The following CLSTN2 variants were observed in gnomAD, a reference collection of about 807,000 sequenced individuals.
The protein encoded by CLSTN2 is calsyntenin 2, also known as calsyntenin-2.
CLSTN2 carries 48 observed loss-of-function variants against 101.2 expected under a neutral mutation model. The observed-to-expected ratio is 0.47, with a 90% CI of 0.38 to 0.60. The LOEUF (loss-of-function observed/expected upper bound fraction) is 0.60, where lower values mean the gene tolerates loss of function less well. Ranked by LOEUF, CLSTN2 falls within the 20% of genes least tolerant of loss-of-function variation. The pLI, the probability that CLSTN2 is intolerant of heterozygous loss-of-function variation, is 0.00. For synonymous variants in CLSTN2, 481 were observed against 463.6 expected, an observed-to-expected ratio of 1.04 and a Z score of -0.48; for missense variants, 1,160 against 1,238.2, an observed-to-expected ratio of 0.94 and a Z score of 0.95.
chr3:139,988,994 C>T (rs532798930), intron 1 of CLSTN2, among the ~76,000 whole-genome samples: 5 of 152,206 alleles, frequency 3.3e-5, no homozygotes, highest in Non-Finnish European at 5.9e-5. Flanking sequence ...ACTCCCTCCT[C>T]AGCAAGGGCA....
intron 2 of CLSTN2, among the ~76,000 whole-genome samples, chr3:140,343,244 C>T (rs557953203): frequency 6.6e-6 from 1 of 152,118 alleles, no homozygotes; most frequent in Non-Finnish European, 1.5e-5. Context: ...ACGAAAACTA[C>T]CCCCTAGCTC....
chr3:140,239,932 T>C lies in CLSTN2; in HGVS notation c.232+63859T>C, dbSNP rs2086445591. The stretch of plus-strand genomic sequence containing the variant: ...AAACACTCATATTTATGTATATATA[T>C]GTGTATATATATATAACTAAAATAG... On this transcript the variant is annotated intron_variant, in intron 2 of 16. Coordinates refer to ENST00000458420, the MANE Select transcript of CLSTN2 (RefSeq NM_022131.3). 4.5e-4 allele frequency among the ~76,000 whole-genome samples: 4 copies of C among 8,850 alleles called. No homozygotes were observed. In the Admixed American group the frequency reaches 9.6e-3, roughly 21 times the overall value. The allele number at this position is 8,850 out of a possible 152,430, so 5.8% of individuals were successfully genotyped here.
intron 8 of CLSTN2, among the ~76,000 whole-genome samples, chr3:140,524,242 T>A (rs1935091042): frequency 6.6e-6 from 1 of 151,888 alleles, no homozygotes; most frequent in Admixed American, 6.6e-5. Flanking sequence ...GTGTTTGAAG[T>A]ACCTGTAGAA....
chr3:140,017,790 G>A (rs999565823), intron 1 of CLSTN2, among the ~76,000 whole-genome samples: 1 of 152,212 alleles, frequency 6.6e-6, no homozygotes, highest in African/African-American at 2.4e-5. Flanking sequence ...AGCAAAAGCT[G>A]GCCACAGGCC....
At chr3:140,073,633 C>T (rs540689416) in intron 1 of CLSTN2, among the ~76,000 whole-genome samples, 7 of 152,300 alleles carry the variant, frequency 4.6e-5, no homozygotes, top group East Asian at 3.9e-4. Flanking sequence ...AGAGCACTGG[C>T]GAGGGTGGGG....
intron 9 of CLSTN2, among the ~76,000 whole-genome samples, chr3:140,535,592 G>A (rs1247608027): frequency 6.6e-6 from 1 of 152,228 alleles, no homozygotes; most frequent in African/African-American, 2.4e-5. Context: ...GTGTGGTCAT[G>A]GGACTTGCTT....
chr3:140,367,924 T>C (rs11719055), intron 2 of CLSTN2, among the ~76,000 whole-genome samples: 63,480 of 151,984 alleles, frequency 0.42, 14,065 homozygotes, highest in Non-Finnish European at 0.5. Flanking sequence ...CAGTTGTCAC[T>C]GTAGCTGTCC....
Position 139,968,950 on chromosome 3 carries a change from T to C in CLSTN2, c.109+33467T>C, listed in dbSNP as rs1935649001. ...AGACATCATTATTAACACTTTTTTC[T>C]CATATAGTAGTGCAGCCTTCAAGTT... On this transcript the variant is annotated intron_variant, in intron 1 of 16. Coordinates refer to ENST00000458420, the MANE Select transcript of CLSTN2 (RefSeq NM_022131.3). Among the ~76,000 whole-genome samples, 13 of 152,214 alleles carry C rather than the reference T, an allele frequency of 8.5e-5. No homozygotes were observed. In the South Asian group the frequency reaches 2.7e-3, roughly 32 times the overall value.
intron 10 of CLSTN2, among the ~76,000 whole-genome samples, chr3:140,551,196 C>T (rs1935692831): frequency 6.6e-6 from 1 of 151,412 alleles, no homozygotes; most frequent in Non-Finnish European, 1.5e-5. Flanking sequence ...CATGTCATTT[C>T]TGAATAATGA....
chr3:140,530,882 G>C (rs145383898), intron 8 of CLSTN2, among the ~76,000 whole-genome samples: 2 of 152,212 alleles, frequency 1.3e-5, no homozygotes, highest in Non-Finnish European at 2.9e-5. Flanking sequence ...ATATCCTCAG[G>C]ATGTGAACCG....
intron 1 of CLSTN2, among the ~76,000 whole-genome samples, chr3:140,031,022 T>A (rs1321546673): frequency 6.6e-6 from 1 of 152,228 alleles, no homozygotes; most frequent in African/African-American, 2.4e-5. Context: ...TCTTCTTGCT[T>A]TTATTCCTCT....
intron 7 of CLSTN2, among the ~76,000 whole-genome samples, chr3:140,466,124 G>C (rs1371507027): frequency 6.6e-6 from 1 of 152,162 alleles, no homozygotes; most frequent in African/African-American, 2.4e-5. Flanking sequence ...GCTTCATATA[G>C]ATTAGGTAGA....
chr3:140,241,307 C>CTCTTACCCAA (rs1441139558), intron 2 of CLSTN2, among the ~76,000 whole-genome samples: 4 of 152,104 alleles, frequency 2.6e-5, no homozygotes, highest in Non-Finnish European at 1.5e-5. Flanking sequence ...GTCCAATATT[C>CTCTTACCCAA]TAAGGGTAAG....
At position 139,968,469 on chromosome 3, in the gene CLSTN2, C is replaced by T. The variant is rs1040024232; in HGVS notation, c.109+32986C>T. Among the ~76,000 whole-genome samples, 5 of 152,178 alleles carry T rather than the reference C, an allele frequency of 3.3e-5. No homozygotes were observed. The South Asian group carries it at 6.2e-4, about 19-fold the overall frequency. ...AAAAGGGCTTGTGGGAGTAGATTTA[C>T]TCTCTTCTACTCTTTTGTCATGTGA... On this transcript the variant is annotated intron_variant, in intron 1 of 16. Coordinates refer to ENST00000458420, the MANE Select transcript of CLSTN2 (RefSeq NM_022131.3).
intron 1 of CLSTN2, among the ~76,000 whole-genome samples, chr3:140,175,251 G>C (rs933334978): frequency 6.6e-6 from 1 of 151,880 alleles, no homozygotes; most frequent in Non-Finnish European, 1.5e-5. Flanking sequence ...AAATATATTT[G>C]ATATGTGTTT....
At chr3:140,450,711 C>T (rs184157985) in intron 6 of CLSTN2, among the ~76,000 whole-genome samples, 7 of 152,144 alleles carry the variant, frequency 4.6e-5, no homozygotes, top group Non-Finnish European at 1.0e-4. Flanking sequence ...TTCACACATA[C>T]GTACACACAA....
chr3:140,485,921 C>T (rs1352227571), intron 8 of CLSTN2, among the ~76,000 whole-genome samples: 1 of 152,026 alleles, frequency 6.6e-6, no homozygotes, highest in Non-Finnish European at 1.5e-5. Context: ...TGAGGCGATG[C>T]CTCACCCTGC....
chr3:140,076,653 T>TTTTTTTTTTTTTC (rs1491412394), intron 1 of CLSTN2, among the ~76,000 whole-genome samples: 2 of 107,696 alleles, frequency 1.9e-5, no homozygotes, highest in African/African-American at 6.2e-5. Context: ...TTTTTTTTTT[T>TTTTTTTTTTTTTC]CCTAGCCTTC....
chr3:139,984,421 TG>T (rs1182475886), intron 1 of CLSTN2, among the ~76,000 whole-genome samples: 2 of 152,208 alleles, frequency 1.3e-5, no homozygotes, highest in African/African-American at 4.8e-5. Flanking sequence ...TATTTGGTTT[TG>T]GTGGCCATGA....
Sources: gnomAD v4.1 joint callset for allele counts (sites outside exome capture counted in the v4.1 genomes callset) on GRCh38, gnomAD v4.1.1 for gene constraint, MANE v1.5 for transcripts, NCBI Gene and HGNC (gene_info 2026-07-23, HGNC 2026-07-21) for gene names.